The following PCDHGB7 variants were observed in gnomAD, a reference collection of about 807,000 sequenced individuals.
PCDHGB7 encodes the protein protocadherin gamma subfamily B, 7.
Under a neutral mutation model 61.4 loss-of-function variants are expected in PCDHGB7, and 37 were observed. That is an observed-to-expected ratio of 0.60 (90% confidence interval 0.46 to 0.79). The LOEUF (loss-of-function observed/expected upper bound fraction) is 0.79. Ranked by LOEUF, PCDHGB7 falls within the 30% of genes least tolerant of loss-of-function variation. The pLI is 0.00. For missense variants in PCDHGB7, 1,166 were observed against 1,202.5 expected, an observed-to-expected ratio of 0.97 and a Z score of 0.45; for synonymous variants, 464 against 503.5, an observed-to-expected ratio of 0.92 and a Z score of 1.05.
At position 141,489,264 on chromosome 5, in the gene PCDHGB7, G is replaced by T. The variant is rs1314393358; in HGVS notation, c.2416-5543G>T. 10 of 1,553,088 alleles carry T rather than the reference G, an allele frequency of 6.4e-6. No individual in the cohort carries two copies. Among genetic ancestry groups the T allele is most frequent in the Non-Finnish European group, 7.0e-6 (8 of 1,149,620 alleles). ...TCATGGGGCCCAAGACACTCCCACA[G>T]CTCGCTGGGAAATGGCAAGTGCTGT... On this transcript the variant is annotated intron_variant, in intron 1 of 3. Transcript: ENST00000398594. The surrounding 1 kb of genome is among the most constrained non-coding windows in gnomAD (Gnocchi z 4.5).
Position 141,420,146 on chromosome 5 carries a change from C to G in PCDHGB7, c.2287C>G (p.Pro763Ala), listed in dbSNP as rs372634787. 3 of 1,613,962 alleles carry G rather than the reference C, an allele frequency of 1.9e-6. No homozygotes were observed. The highest frequency in any genetic ancestry group is 2.5e-6 in the Non-Finnish European group (3 of 1,179,852). ...NFCVPGDQMN[P>A]EFNFFTSVDH... ...TTGTGTGCCTGGGGATCAAATGAAT[C>G]CAGAATTTAATTTTTTCACATCTGT... Residue 763 changes from proline (P) to alanine (A), a missense_variant, in exon 1 of 4, where the codon CCA becomes GCA. By Grantham distance (27) the Pro-to-Ala change is conservative. Coordinates refer to ENST00000398594, the MANE Select transcript of PCDHGB7 (RefSeq NM_018927.4).
Position 141,477,588 on chromosome 5 carries a change from G to T in PCDHGB7, c.2416-17219G>T. 1 of 1,614,152 alleles carries T rather than the reference G, an allele frequency of 6.2e-7. No individual in the cohort carries two copies. The highest frequency in any genetic ancestry group is 8.5e-7 in the Non-Finnish European group (1 of 1,180,040). ...GACCCCGACGCCCCGCAGAATGCTCGGCTTTCTTTCTTTCTCTTGGAGCAA... is the reference window on the plus strand; with the variant it reads ...GACCCCGACGCCCCGCAGAATGCTCTGCTTTCTTTCTTTCTCTTGGAGCAA... On this transcript the variant is annotated intron_variant, in intron 1 of 3. Coordinates refer to ENST00000398594, the MANE Select transcript of PCDHGB7 (RefSeq NM_018927.4). This position sits in a 1 kb window ranked among gnomAD's most constrained non-coding sequence, Gnocchi z 4.9.
chr5:141,495,005 C>CG (rs2099758180), intron 2 of PCDHGB7, 140 bp downstream of exon 2: 6 of 1,522,802 alleles, frequency 3.9e-6, no homozygotes, highest in Admixed American at 2.0e-5. Context: ...TCTTGGTGTG[C>CG]GGGGGGCTGG....
chr5:141,471,206 T>C (rs113465424), intron 1 of PCDHGB7: 16,891 of 151,686 alleles, frequency 0.11, 970 homozygotes, highest in South Asian at 0.15. Context: ...CCCACCCCCA[T>C]GCCTGGCAAT....
chr5:141,423,154 C>A, intron 1 of PCDHGB7: 1 of 1,613,466 alleles, frequency 6.2e-7, no homozygotes, highest in South Asian at 1.1e-5. Flanking sequence ...CAAGCAGAGC[C>A]TCGTGGTGGC....
rs2154586748 is a variant in PCDHGB7 at position 141,491,733 on chromosome 5, T to A, written c.2416-3074T>A. The A allele has an allele frequency of 6.2e-7, 1 of 1,602,698 alleles. No individual in the cohort carries two copies. Among genetic ancestry groups the A allele is most frequent in the Non-Finnish European group, 8.5e-7 (1 of 1,175,258 alleles). On this transcript the variant is annotated intron_variant, in intron 1 of 3. Transcript: ENST00000398594. The surrounding 1 kb of genome is among the most constrained non-coding windows in gnomAD (Gnocchi z 6.9). ...GCTCGGCGCCGCCCCGGGCGACCCC[T>A]GGGGGCGGCACTGGAGAAGCCGCCC...
rs773174763 is a variant in PCDHGB7 at position 141,477,409 on chromosome 5, C to T, written c.2416-17398C>T. The T allele has an allele frequency of 1.4e-5, 22 of 1,614,058 alleles. No homozygotes were observed. The highest frequency in any genetic ancestry group is 1.7e-5 in the Admixed American group (1 of 60,006). On this transcript the variant is annotated intron_variant, in intron 1 of 3. Transcript: ENST00000398594. This position sits in a 1 kb window ranked among gnomAD's most constrained non-coding sequence, Gnocchi z 4.9. ...ACAACCTCAGCATCACCGCCCGAGA[C>T]GCCGGAACCCCTTCCCTCTCAGCCC...
rs1229623400 is a variant in PCDHGB7, at chr5:141,505,984, T to A, written c.2563+503T>A. 4.6e-5 allele frequency among the ~76,000 whole-genome samples: 7 copies of A among 152,198 alleles called. No homozygotes were observed. In the East Asian group the frequency reaches 1.4e-3, roughly 30 times the overall value. On this transcript the variant is annotated intron_variant, in intron 3 of 3. Coordinates refer to ENST00000398594, the MANE Select transcript of PCDHGB7 (RefSeq NM_018927.4). ...AGAAATCCCCAGCCGAGAGAACACC[T>A]CCTCTTTATGCGAGGCTCCTCTTTT...
At position 141,431,276 on chromosome 5, in the gene PCDHGB7, A is replaced by T; in HGVS notation, c.2415+11002A>T. 6.2e-7 allele frequency: 1 copy of T among 1,614,176 alleles called. No individual in the cohort carries two copies. Among genetic ancestry groups the T allele is most frequent in the South Asian group, 1.1e-5 (1 of 91,084 alleles). ...GAACTCTCTGCAGAGCTACGAGCTC[A>T]GCCCGAACACTCACTTCTCCCTCAT... is the stretch of plus-strand genomic sequence containing the variant. On this transcript the variant is annotated intron_variant, in intron 1 of 3. Transcript: ENST00000398594. The surrounding 1 kb of genome is among the most constrained non-coding windows in gnomAD (Gnocchi z 4.8).
chr5:141,450,479 G>GTTTT (rs1165567597), intron 1 of PCDHGB7, among the ~76,000 whole-genome samples: 124 of 152,020 alleles, frequency 8.2e-4, no homozygotes, highest in African/African-American at 2.9e-3. Flanking sequence ...GAGTTTGTTT[G>GTTTT]TTTGTTTGTC....
Position 141,493,775 on chromosome 5 carries a change from G to A in PCDHGB7, c.2416-1032G>A, listed in dbSNP as rs1434978072. ...CCTTGAGTGAGCCACTGGCAGTTCCGGAGCTTCCTTCTCCCTGGAGTAATC... is the reference window on the plus strand; with the variant it reads ...CCTTGAGTGAGCCACTGGCAGTTCCAGAGCTTCCTTCTCCCTGGAGTAATC... On this transcript the variant is annotated intron_variant, in intron 1 of 3. Coordinates refer to ENST00000398594, the MANE Select transcript of PCDHGB7 (RefSeq NM_018927.4). The surrounding 1 kb of genome is among the most constrained non-coding windows in gnomAD (Gnocchi z 4.3). Among the ~76,000 whole-genome samples, 1 of 152,094 alleles carries A rather than the reference G, an allele frequency of 6.6e-6. No individual in the cohort carries two copies. The highest frequency in any genetic ancestry group is 6.5e-5 in the Admixed American group (1 of 15,272).
intron 1 of PCDHGB7, among the ~76,000 whole-genome samples, chr5:141,436,809 A>T (rs2097847373): frequency 6.6e-6 from 1 of 152,242 alleles, no homozygotes; most frequent in Non-Finnish European, 1.5e-5. Context: ...TTTTTGTGAC[A>T]GCTGGTTTAA....
At chr5:141,423,620 C>A in intron 1 of PCDHGB7, 1 of 1,608,268 alleles carries the variant, frequency 6.2e-7, no homozygotes, top group Non-Finnish European at 8.5e-7. Flanking sequence ...GCTGAAGACT[C>A]AGCTATCATT....
Position 141,418,096 on chromosome 5 carries a change from G to A in PCDHGB7, c.237G>A (p.Ala79=), listed in dbSNP as rs772001018. ...SAEKLHFSVD[A]QSGDLLVKDR... ...AGAAGCTGCACTTCAGCGTAGACGC[G>A]CAGAGCGGGGACTTACTTGTGAAGG... Residue 79 remains alanine (A), a synonymous_variant, in exon 1 of 4, where the codon GCG becomes GCA. Transcript: ENST00000398594. The A allele has an allele frequency of 6.2e-7, 1 of 1,614,078 alleles. No individual in the cohort carries two copies. The highest frequency in any genetic ancestry group is 2.2e-5 in the East Asian group (1 of 44,892).
At position 141,417,699 on chromosome 5, in the gene PCDHGB7, C is replaced by A. The variant is rs2096148616; in HGVS notation, c.-161C>A. 8.6e-7 allele frequency: 1 copy of A among 1,164,548 alleles called. No individual in the cohort carries two copies. Among genetic ancestry groups the A allele is most frequent in the Non-Finnish European group, 1.2e-6 (1 of 855,294 alleles). 72.1% of individuals were successfully genotyped at this position (1,164,548 alleles called of 1,614,324 possible). A position where few individuals can be genotyped will look rare whatever the true frequency, so the allele number is the denominator to read the frequency against. ...AACAACAGAAAAGAAAACCAGCTCC[C>A]ACACAGAGGCTCCCGGCTGCGCAGA... On this transcript the variant is annotated 5_prime_UTR_variant, in exon 1 of 4. Coordinates refer to ENST00000398594, the MANE Select transcript of PCDHGB7 (RefSeq NM_018927.4).
chr5:141,509,199 GTCTC>G (rs1017134758), intron 3 of PCDHGB7, among the ~76,000 whole-genome samples: 4 of 152,070 alleles, frequency 2.6e-5, no homozygotes, highest in Admixed American at 2.0e-4. Context: ...AATATTTCCT[GTCTC>G]TCTATTTCTC....
chr5:141,471,214 A>C (rs757487718), intron 1 of PCDHGB7: 2 of 149,606 alleles, frequency 1.3e-5, no homozygotes, highest in Non-Finnish European at 3.0e-5. Context: ...CATGCCTGGC[A>C]ATTTTTTTGT....
Position 141,418,124 on chromosome 5 carries a change from C to A in PCDHGB7, c.265C>A (p.Arg89=), listed in dbSNP as rs762154093. 2.0e-5 allele frequency: 33 copies of A among 1,613,836 alleles called. No individual in the cohort carries two copies. The highest frequency in any genetic ancestry group is 1.3e-4 in the East Asian group (6 of 44,894). ...AQSGDLLVKD[R]IDREQICKER... The stretch of plus-strand genomic sequence containing the variant: ...GAGCGGGGACTTACTTGTGAAGGAC[C>A]GAATAGACCGTGAGCAAATATGCAA... Residue 89 remains arginine (R), a synonymous_variant, in exon 1 of 4, where the codon CGA becomes AGA. Coordinates refer to ENST00000398594, the MANE Select transcript of PCDHGB7 (RefSeq NM_018927.4).
rs1036223789 is a variant in PCDHGB7, at chr5:141,511,298, G to C, written c.*125G>C. 49 of 1,502,412 alleles carry C rather than the reference G, an allele frequency of 3.3e-5. No homozygotes were observed. The African/African-American group carries it at 6.7e-4, about 20-fold the overall frequency. 93.1% of individuals were successfully genotyped at this position (1,502,412 alleles called of 1,614,324 possible). A position where few individuals can be genotyped will look rare whatever the true frequency, so the allele number is the denominator to read the frequency against. The stretch of plus-strand genomic sequence containing the variant: ...GAATACTGGTAGGGGCCAAGGCCAT[G>C]CTCCCCTTGGGAAACAGAAACAAGT... On this transcript the variant is annotated 3_prime_UTR_variant, in exon 4 of 4. Coordinates refer to ENST00000398594, the MANE Select transcript of PCDHGB7 (RefSeq NM_018927.4).
Sources: allele counts gnomAD v4.1 joint callset (sites outside exome capture counted in the v4.1 genomes callset), GRCh38; gene constraint gnomAD v4.1.1; non-coding constraint Gnocchi (gnomAD v3.1); transcripts MANE v1.5; gene names NCBI Gene and HGNC (gene_info 2026-07-23, HGNC 2026-07-21).